Variants in SESTD1 observed in about 807,000 individuals in gnomAD.
SESTD1 encodes SEC14 domain and spectrin repeat-containing protein 1.
In SESTD1, 43 loss-of-function variants were observed where a neutral mutation model predicts 101.7. The observed-to-expected ratio is 0.42, with a 90% confidence interval of 0.33 to 0.55. SESTD1 has a LOEUF of 0.55. SESTD1 is among the 20% of genes least tolerant of loss of function. The pLI, the probability that SESTD1 is intolerant of heterozygous loss-of-function variation, is 0.07. For missense variants in SESTD1, 647 were observed against 815.1 expected, an observed-to-expected ratio of 0.79 and a Z score of 2.51; for synonymous variants, 283 against 286.8, an observed-to-expected ratio of 0.99 and a Z score of 0.13.
Position 179,234,557 on chromosome 2 carries a change from C to T in SESTD1, c.-26+29942G>A, listed in dbSNP as rs1275122228. Among the ~76,000 whole-genome samples the T allele has an allele frequency of 2.0e-5, 3 of 152,056 alleles. No individual in the cohort carries two copies. In the East Asian group the frequency reaches 5.8e-4, roughly 29 times the overall value. Reference sequence around the variant, plus strand: ...CTTTGTGGGGCTGAGGCGGGTAGATCACTTGGGGTCAGGAGTTTGAGACCA... The same window carrying T: ...CTTTGTGGGGCTGAGGCGGGTAGATTACTTGGGGTCAGGAGTTTGAGACCA... On this transcript the variant is annotated intron_variant, in intron 1 of 17. Coordinates refer to ENST00000428443, the MANE Select transcript of SESTD1 (RefSeq NM_178123.5).
chr2:179,143,699 TA>T lies in SESTD1; in HGVS notation c.741del (p.Met248Ter). On this transcript the variant is annotated frameshift_variant, in exon 9 of 18. Transcript: ENST00000428443. LOFTEE classifies it high-confidence loss of function. Reference protein sequence around the residue: ...MDDELLAQPQVMKLLDSLREQ... With the variant: ...MDDELLAQPQXMKLLDSLREQ... Reference sequence around the variant, plus strand: ...TCTCGGAGTGAATCTAATAATTTCATAACCTGTGGCTGTGCAAGAAGTTCAT... The same window carrying T: ...TCTCGGAGTGAATCTAATAATTTCATACCTGTGGCTGTGCAAGAAGTTCAT... 1 of 1,614,062 alleles carries T rather than the reference TA, an allele frequency of 6.2e-7. No individual in the cohort carries two copies. The highest frequency in any genetic ancestry group is 8.5e-7 in the Non-Finnish European group (1 of 1,179,928).
chr2:179,108,449 AAC>A lies in SESTD1; in HGVS notation c.*1448_*1449del, dbSNP rs2044434478. ...GGAGGCCATTGCTGACTTTCAAAAGAACAGTTTCAGTAGAGTGCTGTGTAAAA... is the reference window on the plus strand; with the variant it reads ...GGAGGCCATTGCTGACTTTCAAAAGAAGTTTCAGTAGAGTGCTGTGTAAAA... On this transcript the variant is annotated 3_prime_UTR_variant, in exon 18 of 18. Transcript: ENST00000428443. 1 of 152,238 alleles carries A rather than the reference AAC, an allele frequency of 6.6e-6. No homozygotes were observed. The highest frequency in any genetic ancestry group is 1.5e-5 in the Non-Finnish European group (1 of 68,078). The allele number at this position is 152,238 out of a possible 1,614,324, so 9.4% of individuals were successfully genotyped here.
intron 15 of SESTD1, 40 bp from the exon 16 acceptor site, chr2:179,115,296 T>G: frequency 2.7e-6 from 4 of 1,468,618 alleles, no homozygotes; most frequent in Non-Finnish European, 3.6e-6. Flanking sequence ...AATAAAAGAA[T>G]TCTTAAGAGA....
At chr2:179,255,784 A>T (rs1332303870) in intron 1 of SESTD1, among the ~76,000 whole-genome samples, 1 of 152,260 alleles carries the variant, frequency 6.6e-6, no homozygotes, top group African/African-American at 2.4e-5. Context: ...GGACTTTCAT[A>T]GCAAGAGAGA....
chr2:179,232,336 C>G (rs1021157470), intron 1 of SESTD1, among the ~76,000 whole-genome samples: 1 of 151,672 alleles, frequency 6.6e-6, no homozygotes, highest in Non-Finnish European at 1.5e-5. Context: ...ATTCATAATT[C>G]AAAAAGAACA....
intron 3 of SESTD1, among the ~76,000 whole-genome samples, chr2:179,181,092 C>A (rs2046099576): frequency 6.6e-6 from 1 of 152,006 alleles, no homozygotes; most frequent in African/African-American, 2.4e-5. Flanking sequence ...GAAACTGATT[C>A]ATCATTTACA....
intron 5 of SESTD1, among the ~76,000 whole-genome samples, chr2:179,154,732 TA>T (rs1012465462): frequency 2.2e-4 from 34 of 152,030 alleles, no homozygotes; most frequent in East Asian, 7.7e-4. Context: ...TTTGGTCTCT[TA>T]AAAAAAATGT....
intron 9 of SESTD1, among the ~76,000 whole-genome samples, chr2:179,133,974 A>C (rs2045075214): frequency 6.6e-6 from 1 of 152,236 alleles, no homozygotes; most frequent in African/African-American, 2.4e-5. Context: ...GTACACTATA[A>C]CAGCTATTTT....
At chr2:179,255,857 G>A (rs2047386091) in intron 1 of SESTD1, among the ~76,000 whole-genome samples, 1 of 152,186 alleles carries the variant, frequency 6.6e-6, no homozygotes, top group African/African-American at 2.4e-5. Flanking sequence ...AATGCAGCTG[G>A]TGACCTTAAG....
intron 1 of SESTD1, among the ~76,000 whole-genome samples, chr2:179,202,183 C>G (rs1318261834): frequency 1.5e-5 from 2 of 133,242 alleles, no homozygotes; most frequent in East Asian, 4.0e-4. Context: ...AATAAAACTG[C>G]AAGTTTTACT....
At chr2:179,153,470 C>T (rs2045567593) in intron 5 of SESTD1, among the ~76,000 whole-genome samples, 1 of 152,136 alleles carries the variant, frequency 6.6e-6, no homozygotes, top group Admixed American at 6.5e-5. Flanking sequence ...CAATATATTT[C>T]ATTTTAAATG....
chr2:179,204,202 C>T (rs1005080633), intron 1 of SESTD1, among the ~76,000 whole-genome samples: 1 of 134,466 alleles, frequency 7.4e-6, no homozygotes, highest in Non-Finnish European at 1.6e-5. Flanking sequence ...AATTATCAGA[C>T]CAAGAGAGAC....
intron 17 of SESTD1, 108 bp downstream of exon 17, chr2:179,112,594 CATCGTAGGAGTTAAAGATGTGG>C: frequency 9.0e-7 from 1 of 1,105,846 alleles, no homozygotes; most frequent in African/African-American, 1.6e-5. Flanking sequence ...TAAACTAATT[CATCGTAGGAGTTAAAGATGTGG>C]ACCAAACCTA....
chr2:179,254,047 C>T (rs2047356829), intron 1 of SESTD1, among the ~76,000 whole-genome samples: 1 of 152,014 alleles, frequency 6.6e-6, no homozygotes, highest in Non-Finnish European at 1.5e-5. Flanking sequence ...CTGCAGAGAA[C>T]CCTGACTGTA....
At position 179,183,910 on chromosome 2, in the gene SESTD1, G is replaced by C. The variant is rs376249333; in HGVS notation, c.56-722C>G. On this transcript the variant is annotated intron_variant, in intron 2 of 17. Coordinates refer to ENST00000428443, the MANE Select transcript of SESTD1 (RefSeq NM_178123.5). ...GGAGGAAACGAGGAAGGGAGGTAGG[G>C]AGGGAGGGAGGGAAAGGAAAACGGG... Among the ~76,000 whole-genome samples the C allele has an allele frequency of 3.3e-5, 5 of 150,570 alleles. No homozygotes were observed. In the East Asian group the frequency reaches 6.0e-4, roughly 18 times the overall value.
intron 1 of SESTD1, among the ~76,000 whole-genome samples, chr2:179,245,166 G>A (rs2047210566): frequency 6.6e-6 from 1 of 152,086 alleles, no homozygotes; most frequent in Non-Finnish European, 1.5e-5. Flanking sequence ...ACCAGCCTGG[G>A]CAACACAGCA....
At chr2:179,140,220 T>C (rs373645936) in intron 9 of SESTD1, among the ~76,000 whole-genome samples, 3 of 152,054 alleles carry the variant, frequency 2.0e-5, no homozygotes, top group African/African-American at 4.8e-5. Context: ...CTGAACTGTG[T>C]CCCTCCCCTC....
chr2:179,130,176 A>G (rs950014059), intron 10 of SESTD1, among the ~76,000 whole-genome samples: 1 of 152,186 alleles, frequency 6.6e-6, no homozygotes, highest in African/African-American at 2.4e-5. Context: ...AAAATTTAGT[A>G]GCTTTCTCTA....
chr2:179,182,210 A>C (rs1052187736), intron 3 of SESTD1, among the ~76,000 whole-genome samples: 2 of 152,146 alleles, frequency 1.3e-5, no homozygotes, highest in Non-Finnish European at 2.9e-5. Context: ...TAAGAGCAGT[A>C]TATGAGATAG....
Sources: gnomAD v4.1 joint callset for allele counts (sites outside exome capture counted in the v4.1 genomes callset) on GRCh38, gnomAD v4.1.1 for gene constraint, MANE v1.5 for transcripts, NCBI Gene and HGNC (gene_info 2026-07-23, HGNC 2026-07-21) for gene names.